HPSE2: variants seen among roughly 807,000 people sequenced by gnomAD.
HPSE2 encodes the protein inactive heparanase-2.
A neutral mutation model predicts 60.5 loss-of-function variants in HPSE2; 38 were observed. The ratio of observed to expected loss-of-function variants is 0.63; its 90% CI spans 0.48 to 0.82. The LOEUF (loss-of-function observed/expected upper bound fraction) is 0.82. HPSE2 is among the 40% of genes least tolerant of loss of function. The probability of loss-of-function intolerance (pLI) is 0.00; values close to 1 mark genes in which losing one functional copy is unlikely to be tolerated. For synonymous variants in HPSE2, 295 were observed against 293.2 expected (o/e 1.01, Z -0.06); for missense variants, 713 against 740.4 (o/e 0.96, Z 0.43).
chr10:98,552,175 T>C (rs1466406), intron 9 of HPSE2, among the ~76,000 whole-genome samples: 8,012 of 152,204 alleles, frequency 0.053, 278 homozygotes, highest in Middle Eastern at 0.13. Flanking sequence ...AGTTTTGGGA[T>C]ATGCTGATAT....
chr10:99,248,023 T>C, the HPSE2 span, among the ~76,000 whole-genome samples: 2 of 152,236 alleles, frequency 1.3e-5, no homozygotes, highest in African/African-American at 4.8e-5. Flanking sequence ...ATTTATAAAT[T>C]ACCCAGTTTG....
At chr10:99,114,074 C>CAGGA (rs1200615335) in intron 3 of HPSE2, among the ~76,000 whole-genome samples, 1 of 121,310 alleles carries the variant, frequency 8.2e-6, no homozygotes, top group African/African-American at 2.5e-5. Context: ...ATAAACTAAT[C>CAGGA]AATTAGGAAA....
At chr10:98,473,975 A>T (rs193058161) in intron 11 of HPSE2, among the ~76,000 whole-genome samples, 1 of 152,214 alleles carries the variant, frequency 6.6e-6, no homozygotes. Context: ...TTTACTAACT[A>T]TAGAACTTTC....
intron 3 of HPSE2, among the ~76,000 whole-genome samples, chr10:99,122,562 A>C (rs541538791): frequency 5.9e-5 from 9 of 151,958 alleles, no homozygotes; most frequent in African/African-American, 2.2e-4. Context: ...AGTGGAAAAA[A>C]ATTCACTCTC....
intron 11 of HPSE2, among the ~76,000 whole-genome samples, chr10:98,476,362 C>T (rs1176594275): frequency 4.1e-5 from 6 of 146,640 alleles, no homozygotes; most frequent in Non-Finnish European, 7.5e-5. Flanking sequence ...AGGAGATATA[C>T]CTAATGCTAA....
At chr10:98,503,300 G>A (rs908446813) in intron 9 of HPSE2, among the ~76,000 whole-genome samples, 8 of 151,368 alleles carry the variant, frequency 5.3e-5, no homozygotes, top group African/African-American at 1.7e-4. Flanking sequence ...AATGCAAATC[G>A]AAACCACAAT....
chr10:98,989,502 G>A (rs1176151675), intron 3 of HPSE2, among the ~76,000 whole-genome samples: 1 of 146,606 alleles, frequency 6.8e-6, no homozygotes, highest in Admixed American at 7.0e-5. Flanking sequence ...GTTGTGGGGT[G>A]GGGGGAGGGG....
At chr10:99,029,781 G>C (rs540112091) in intron 3 of HPSE2, among the ~76,000 whole-genome samples, 1 of 152,322 alleles carries the variant, frequency 6.6e-6, no homozygotes, top group Non-Finnish European at 1.5e-5. Flanking sequence ...AGACGGTTAG[G>C]CCTCCGGATA....
intron 4 of HPSE2, among the ~76,000 whole-genome samples, chr10:98,728,802 G>A (rs530559999): frequency 3.3e-5 from 5 of 152,178 alleles, no homozygotes; most frequent in Admixed American, 1.3e-4. Flanking sequence ...GAGCCTAGGT[G>A]TTCAAGACCA....
At chr10:99,155,066 A>T (rs1418652359) in intron 2 of HPSE2, among the ~76,000 whole-genome samples, 4 of 146,920 alleles carry the variant, frequency 2.7e-5, no homozygotes, top group South Asian at 2.3e-4. Context: ...TCCTAAATAT[A>T]TATGCACCCA....
At chr10:99,082,503 C>A (rs1843180440) in intron 3 of HPSE2, among the ~76,000 whole-genome samples, 1 of 152,166 alleles carries the variant, frequency 6.6e-6, no homozygotes, top group Non-Finnish European at 1.5e-5. Flanking sequence ...AGGGGTCATT[C>A]ATTCCATATT....
chr10:98,488,666 C>T (rs1005170813), intron 10 of HPSE2, among the ~76,000 whole-genome samples: 2 of 152,170 alleles, frequency 1.3e-5, no homozygotes, highest in Non-Finnish European at 2.9e-5. Context: ...TTTTCTATCT[C>T]GAGTCTGGGG....
chr10:99,152,738 G>T (rs969189852), intron 2 of HPSE2, among the ~76,000 whole-genome samples: 1 of 152,078 alleles, frequency 6.6e-6, no homozygotes, highest in South Asian at 2.1e-4. Context: ...CTGAAAATGA[G>T]GGGGAGGAGC....
At chr10:98,987,389 C>T (rs1373270205) in intron 3 of HPSE2, among the ~76,000 whole-genome samples, 1 of 152,130 alleles carries the variant, frequency 6.6e-6, no homozygotes, top group Non-Finnish European at 1.5e-5. Flanking sequence ...GAACCAAAGA[C>T]AAAAACCACA....
intron 3 of HPSE2, among the ~76,000 whole-genome samples, chr10:98,813,446 C>T (rs1951212894): frequency 6.6e-6 from 1 of 152,182 alleles, no homozygotes; most frequent in Non-Finnish European, 1.5e-5. Flanking sequence ...GTCTCCAAAA[C>T]ATTGTGAAGT....
At position 99,197,939 on chromosome 10, in the gene HPSE2, C is replaced by T. The variant is rs578223469; in HGVS notation, c.448+34409G>A. On this transcript the variant is annotated intron_variant, in intron 2 of 11. Transcript: ENST00000370552. Reference sequence around the variant, plus strand: ...TACAAAAATTAGCCAGGTGTGGTGGCGCACACCTGTAATCCCAGCAACTCG... The same window carrying T: ...TACAAAAATTAGCCAGGTGTGGTGGTGCACACCTGTAATCCCAGCAACTCG... Among the ~76,000 whole-genome samples the T allele has an allele frequency of 1.9e-4, 29 of 151,954 alleles. No individual in the cohort carries two copies. In the East Asian group the frequency reaches 2.7e-3, roughly 14 times the overall value.
At chr10:98,807,458 C>T (rs1019673160) in intron 3 of HPSE2, among the ~76,000 whole-genome samples, 2 of 152,202 alleles carry the variant, frequency 1.3e-5, no homozygotes, top group Non-Finnish European at 2.9e-5. Flanking sequence ...TCAGTTTCCT[C>T]TTCAGCAAAA....
chr10:99,300,836 G>GA, the HPSE2 span, among the ~76,000 whole-genome samples: 6 of 152,208 alleles, frequency 3.9e-5, no homozygotes, highest in East Asian at 1.2e-3. Context: ...ATTATTCATG[G>GA]AAAAAACAGT....
chr10:98,710,424 G>GC (rs1948648752), intron 5 of HPSE2, among the ~76,000 whole-genome samples: 1 of 152,008 alleles, frequency 6.6e-6, no homozygotes, highest in Admixed American at 6.6e-5. Context: ...CTCTATTTAG[G>GC]CTTCCCTTGG....
Sources: allele counts gnomAD v4.1 joint callset (sites outside exome capture counted in the v4.1 genomes callset), GRCh38; gene constraint gnomAD v4.1.1; transcripts MANE v1.5; gene names NCBI Gene and HGNC (gene_info 2026-07-23, HGNC 2026-07-21).